The following SLC14A2 variants were observed in gnomAD, a reference collection of about 807,000 sequenced individuals.
The protein encoded by SLC14A2 is solute carrier family 14 member 2, also known as urea transporter 2.
A neutral mutation model predicts 104.6 loss-of-function variants in SLC14A2; 91 were observed. That is an observed-to-expected ratio of 0.87 (90% CI 0.73 to 1.04). SLC14A2 has a LOEUF of 1.04. SLC14A2 is among the 50% of genes least tolerant of loss of function. The pLI, the probability that SLC14A2 is intolerant of heterozygous loss-of-function variation, is 0.00. For synonymous variants in SLC14A2, 476 were observed against 466.4 expected, an observed-to-expected ratio of 1.02 and a Z score of -0.27; for missense variants, 1,189 against 1,156.0, an observed-to-expected ratio of 1.03 and a Z score of -0.41.
chr18:45,313,573 A>G (rs1187110948), intron 1 of SLC14A2, among the ~76,000 whole-genome samples: 2 of 152,212 alleles, frequency 1.3e-5, no homozygotes, highest in African/African-American at 4.8e-5. Flanking sequence ...ATCCTGAAGT[A>G]AGGCGGCCTG....
At chr18:45,207,198 A>G in the SLC14A2 span, among the ~76,000 whole-genome samples, 3 of 152,084 alleles carry the variant, frequency 2.0e-5, no homozygotes, top group Admixed American at 6.6e-5. Flanking sequence ...ATCACACTTT[A>G]GTCAAAAATT....
At chr18:45,634,751 G>C in intron 5 of SLC14A2, 1 of 452,092 alleles carries the variant, frequency 2.2e-6, no homozygotes, top group Non-Finnish European at 4.5e-6. Context: ...GTGATAGAAA[G>C]CAGTTAGAGA....
chr18:45,207,330 A>G, the SLC14A2 span, among the ~76,000 whole-genome samples: 2 of 148,360 alleles, frequency 1.3e-5, no homozygotes, highest in Non-Finnish European at 3.0e-5. Flanking sequence ...AAAAGGGGGA[A>G]GAAAGGGAGA....
chr18:45,387,256 A>G (rs1400836750), intron 1 of SLC14A2, among the ~76,000 whole-genome samples: 1 of 152,192 alleles, frequency 6.6e-6, no homozygotes, highest in Non-Finnish European at 1.5e-5. Flanking sequence ...AGGTTCTGCT[A>G]CAGCGTCAAG....
intron 10 of SLC14A2, among the ~76,000 whole-genome samples, chr18:45,644,735 G>A (rs1297444111): frequency 6.6e-6 from 1 of 152,152 alleles, no homozygotes; most frequent in African/African-American, 2.4e-5. Flanking sequence ...AGTGGTCTTT[G>A]TAAGGGGCAA....
intron 1 of SLC14A2, among the ~76,000 whole-genome samples, chr18:45,381,250 C>T (rs1308060319): frequency 6.6e-6 from 1 of 152,226 alleles, no homozygotes; most frequent in Non-Finnish European, 1.5e-5. Flanking sequence ...CACCATCTCA[C>T]ACAATGCAGT....
intron 1 of SLC14A2, among the ~76,000 whole-genome samples, chr18:45,475,334 GA>G (rs2087338466): frequency 6.6e-6 from 1 of 151,970 alleles, no homozygotes; most frequent in Non-Finnish European, 1.5e-5. Flanking sequence ...GTGTTGAGAA[GA>G]ATGTATATTC....
At chr18:45,622,419 G>C (rs1198658773) in intron 1 of SLC14A2, among the ~76,000 whole-genome samples, 1 of 152,174 alleles carries the variant, frequency 6.6e-6, no homozygotes, top group East Asian at 1.9e-4. Context: ...AACATGATGA[G>C]TTGTTTTGGC....
intron 1 of SLC14A2, among the ~76,000 whole-genome samples, chr18:45,426,631 C>T (rs2086433459): frequency 6.9e-6 from 1 of 143,934 alleles, no homozygotes; most frequent in Non-Finnish European, 1.5e-5. Flanking sequence ...CATATATATA[C>T]TATATATCTA....
At position 45,314,390 on chromosome 18, in the gene SLC14A2, C is replaced by A. The variant is rs192001260; in HGVS notation, c.-125+101199C>A. 3.3e-3 allele frequency among the ~76,000 whole-genome samples: 497 copies of A among 152,268 alleles called. 2 individuals are homozygous for A. The highest frequency in any genetic ancestry group is 0.011 in the African/African-American group (471 of 41,542). ...AGATTGTGCCTGTCCTCAGGGAAGC[C>A]ATAATCCTCATAAGTAGTCATCCTA... is the stretch of plus-strand genomic sequence containing the variant. On this transcript the variant is annotated intron_variant, in intron 1 of 20. Coordinates refer to the SLC14A2 transcript ENST00000586448.
In SLC14A2 at chr18:45,341,399, C is replaced by T. The variant is rs377712810; in HGVS notation, c.-125+128208C>T. Among the ~76,000 whole-genome samples, 5 of 152,272 alleles carry T rather than the reference C, an allele frequency of 3.3e-5. No homozygotes were observed. The South Asian group carries it at 6.2e-4, about 19-fold the overall frequency. ...TCATGCACAGAGTGGTGAAAAATTA[C>T]GGTGGCCTGAAAAGAAAGTTCCCAG... On this transcript the variant is annotated intron_variant, in intron 1 of 20. Coordinates refer to the SLC14A2 transcript ENST00000586448.
intron 2 of SLC14A2, among the ~76,000 whole-genome samples, chr18:45,559,035 C>T (rs564583085): frequency 9.2e-5 from 14 of 152,198 alleles, no homozygotes; most frequent in East Asian, 3.9e-4. Flanking sequence ...GTGGTCCGCC[C>T]GCCTCGGCCT....
chr18:45,522,747 T>G (rs1332240101), intron 2 of SLC14A2, among the ~76,000 whole-genome samples: 2 of 152,194 alleles, frequency 1.3e-5, no homozygotes, highest in Non-Finnish European at 2.9e-5. Flanking sequence ...GCGTGAAGAT[T>G]TCTGTTTGCT....
intron 1 of SLC14A2, among the ~76,000 whole-genome samples, chr18:45,342,632 G>T (rs2085407459): frequency 2.0e-5 from 3 of 152,220 alleles, no homozygotes; most frequent in Admixed American, 2.0e-4. Flanking sequence ...GTTATTGCTA[G>T]TGTCTTGCAG....
intron 1 of SLC14A2, among the ~76,000 whole-genome samples, chr18:45,218,236 G>C (rs1417290755): frequency 6.6e-6 from 1 of 152,072 alleles, no homozygotes; most frequent in African/African-American, 2.4e-5. Context: ...TTGATTCTAA[G>C]TACCTTATAT....
intron 1 of SLC14A2, among the ~76,000 whole-genome samples, chr18:45,400,164 A>C (rs934193818): frequency 3.9e-5 from 6 of 152,356 alleles, no homozygotes; most frequent in African/African-American, 1.4e-4. Context: ...ATCAAGTTAC[A>C]CTAAATGCTC....
At chr18:45,371,276 C>G (rs373042751) in intron 1 of SLC14A2, among the ~76,000 whole-genome samples, 9 of 152,292 alleles carry the variant, frequency 5.9e-5, no homozygotes, top group African/African-American at 2.2e-4. Flanking sequence ...GTTCTCCAAA[C>G]CTTGTTAAAC....
chr18:45,441,523 C>T (rs935492373), intron 1 of SLC14A2, among the ~76,000 whole-genome samples: 2 of 152,178 alleles, frequency 1.3e-5, no homozygotes, highest in Non-Finnish European at 2.9e-5. Context: ...GCTGGAAGGG[C>T]AGTAAGACAA....
intron 1 of SLC14A2, among the ~76,000 whole-genome samples, chr18:45,309,168 A>C (rs1021294676): frequency 6.6e-6 from 1 of 152,186 alleles, no homozygotes; most frequent in African/African-American, 2.4e-5. Flanking sequence ...GGGGCTTCAC[A>C]TGGTCAGATG....
Sources: allele counts gnomAD v4.1 joint callset (sites outside exome capture counted in the v4.1 genomes callset), GRCh38; gene constraint gnomAD v4.1.1; transcripts MANE v1.5; gene names NCBI Gene and HGNC (gene_info 2026-07-23, HGNC 2026-07-21).